The following DDX4 variants were observed in gnomAD, a reference collection of about 807,000 sequenced individuals.
The protein encoded by DDX4 is DEAD-box helicase 4.
In DDX4, 25 loss-of-function variants were observed where a neutral mutation model predicts 100.0. That is an observed-to-expected ratio of 0.25 (90% CI 0.18 to 0.35). The LOEUF (loss-of-function observed/expected upper bound fraction) is 0.35. Among genes scored for constraint, DDX4 ranks in the 10% least tolerant of loss-of-function variants. The pLI is 1.00. For missense variants in DDX4, 635 were observed against 882.4 expected (o/e 0.72, Z 3.55); for synonymous variants, 259 against 275.7 (o/e 0.94, Z 0.60).
intron 18 of DDX4, among the ~76,000 whole-genome samples, chr5:55,809,091 C>G (rs896522954): frequency 2.6e-5 from 4 of 152,238 alleles, no homozygotes; most frequent in African/African-American, 9.7e-5. Context: ...GAGCGAGGCT[C>G]CATGGGGGTA....
At chr5:55,753,048 A>C (rs542797818) in intron 3 of DDX4, among the ~76,000 whole-genome samples, 14 of 151,364 alleles carry the variant, frequency 9.2e-5, no homozygotes, top group African/African-American at 3.4e-4. Flanking sequence ...TTTTTCTTGT[A>C]AATTTGTTTG....
At chr5:55,765,413 A>AAATATATATATAT (rs1392558099) in intron 6 of DDX4, among the ~76,000 whole-genome samples, 27 of 83,000 alleles carry the variant, frequency 3.3e-4, no homozygotes, top group African/African-American at 1.5e-3. Context: ...AAAAAAAAAA[A>AAATATATATATAT]ATATATATAT....
intron 9 of DDX4, among the ~76,000 whole-genome samples, 154 bp from the exon 10 acceptor site, chr5:55,781,780 A>G (rs1381096207): frequency 1.3e-5 from 2 of 152,168 alleles, no homozygotes; most frequent in African/African-American, 4.8e-5. Context: ...TGAAAAAAAA[A>G]AAAAAAAAGT....
At position 55,779,351 on chromosome 5, in the gene DDX4, A is replaced by T. The variant is rs72761931; in HGVS notation, c.395-613A>T. The stretch of plus-strand genomic sequence containing the variant: ...TCTTTATTCATCATTCTCTTTAAGT[A>T]TAAATAGTTGCAAGTTTACAAACGG... On this transcript the variant is annotated intron_variant, in intron 7 of 21. Coordinates refer to ENST00000505374, the MANE Select transcript of DDX4 (RefSeq NM_024415.3). Among the ~76,000 whole-genome samples, 388 of 152,340 alleles carry T rather than the reference A, an allele frequency of 2.5e-3. 1 individual carries two copies. Among genetic ancestry groups the T allele is most frequent in the Non-Finnish European group, 4.2e-3 (288 of 68,032 alleles).
chr5:55,788,760 C>T (rs1469606016), intron 15 of DDX4, among the ~76,000 whole-genome samples: 2 of 152,154 alleles, frequency 1.3e-5, no homozygotes, highest in Admixed American at 6.5e-5. Flanking sequence ...CAATGTACAT[C>T]TTGCTACATA....
chr5:55,812,031 A>G (rs1744147238), intron 18 of DDX4, among the ~76,000 whole-genome samples: 3 of 152,206 alleles, frequency 2.0e-5, no homozygotes, highest in Admixed American at 2.0e-4. Context: ...AGTCTCATTT[A>G]CCAAAGATTT....
chr5:55,802,442 C>T (rs35077129), intron 18 of DDX4, among the ~76,000 whole-genome samples: 16,467 of 152,102 alleles, frequency 0.11, 1,368 homozygotes, highest in East Asian at 0.29. Context: ...CAAATGGCCA[C>T]AGAGAGATAT....
intron 18 of DDX4, among the ~76,000 whole-genome samples, chr5:55,800,917 A>AT (rs1324861328): frequency 6.6e-6 from 1 of 151,918 alleles, no homozygotes; most frequent in African/African-American, 2.4e-5. Context: ...TAATTATGCT[A>AT]TTTTTTTCCT....
At chr5:55,801,963 C>A (rs1743344164) in intron 18 of DDX4, among the ~76,000 whole-genome samples, 1 of 152,152 alleles carries the variant, frequency 6.6e-6, no homozygotes, top group Admixed American at 6.6e-5. Context: ...AGTGTATGAC[C>A]TTCCTTAAAA....
Position 55,767,961 on chromosome 5 carries a change from C to G in DDX4, c.394+21C>G, listed in dbSNP as rs776289883. 3.7e-6 allele frequency: 6 copies of G among 1,608,724 alleles called. No homozygotes were observed. In the Admixed American group the frequency reaches 5.0e-5, roughly 13 times the overall value. On this transcript the variant is annotated intron_variant, in intron 7 of 21. Transcript: ENST00000505374. ...AGGCGGTAAGGACCACATTTTGGAACAATTTGTACTTAACACAGAGACACT... is the reference window on the plus strand; with the variant it reads ...AGGCGGTAAGGACCACATTTTGGAAGAATTTGTACTTAACACAGAGACACT...
At chr5:55,787,545 A>C (rs1742317688) in intron 14 of DDX4, among the ~76,000 whole-genome samples, 1 of 152,208 alleles carries the variant, frequency 6.6e-6, no homozygotes, top group Non-Finnish European at 1.5e-5. Context: ...CATCTATCAT[A>C]TTCCTCTATA....
intron 2 of DDX4, among the ~76,000 whole-genome samples, chr5:55,742,400 G>A (rs1276033121): frequency 6.6e-6 from 1 of 152,064 alleles, no homozygotes; most frequent in Non-Finnish European, 1.5e-5. Flanking sequence ...AATCTCTTGT[G>A]GTTAAAGTGG....
At chr5:55,763,595 A>G (rs1740705015) in intron 5 of DDX4, among the ~76,000 whole-genome samples, 1 of 152,114 alleles carries the variant, frequency 6.6e-6, no homozygotes, top group Non-Finnish European at 1.5e-5. Context: ...CAAGATTTTC[A>G]TGTTATTGAG....
chr5:55,766,535 A>G (rs1459358332), intron 6 of DDX4, among the ~76,000 whole-genome samples: 51 of 150,320 alleles, frequency 3.4e-4, no homozygotes, highest in Non-Finnish European at 1.2e-4. Flanking sequence ...CTGCCCTTCT[A>G]CATTGTATTA....
intron 17 of DDX4, among the ~76,000 whole-genome samples, chr5:55,797,141 G>T (rs183067400): frequency 7.9e-5 from 12 of 152,156 alleles, no homozygotes; most frequent in Non-Finnish European, 1.5e-4. Context: ...ACTGTGCCCC[G>T]CCTCAAACTG....
At chr5:55,781,430 G>A (rs532089048) in intron 9 of DDX4, among the ~76,000 whole-genome samples, 38 of 152,292 alleles carry the variant, frequency 2.5e-4, no homozygotes, top group Admixed American at 7.2e-4. Context: ...GTGAGTTGAA[G>A]TGAAAATGAA....
intron 2 of DDX4, among the ~76,000 whole-genome samples, chr5:55,742,434 C>T (rs547901843): frequency 3.9e-5 from 6 of 152,036 alleles, no homozygotes; most frequent in Non-Finnish European, 7.4e-5. Flanking sequence ...GTAATTAGAC[C>T]ATCCACAATT....
intron 7 of DDX4, among the ~76,000 whole-genome samples, chr5:55,768,790 GTTATT>G: frequency 6.6e-6 from 1 of 152,240 alleles, no homozygotes; most frequent in South Asian, 2.1e-4. Context: ...GCCAGCATCT[GTTATT>G]TTTTGATTTT....
At chr5:55,776,156 T>G (rs1432718079) in intron 7 of DDX4, among the ~76,000 whole-genome samples, 1 of 152,078 alleles carries the variant, frequency 6.6e-6, no homozygotes, top group African/African-American at 2.4e-5. Flanking sequence ...CAATTTGAAT[T>G]TTTAGAAACT....
Sources: gnomAD v4.1 joint callset for allele counts (sites outside exome capture counted in the v4.1 genomes callset) on GRCh38, gnomAD v4.1.1 for gene constraint, MANE v1.5 for transcripts, NCBI Gene and HGNC (gene_info 2026-07-23, HGNC 2026-07-21) for gene names.